CARD19: variants seen among roughly 807,000 people sequenced by gnomAD.
CARD19 encodes caspase recruitment domain-containing protein 19.
CARD19 carries 25 observed loss-of-function variants against 24.1 expected under a neutral mutation model. The observed-to-expected ratio is 1.04, with a 90% CI of 0.76 to 1.45. CARD19 has a LOEUF of 1.45. Ranked by LOEUF, CARD19 falls within the 40% of genes most tolerant of loss-of-function variation. CARD19 has a pLI of 0.00. For synonymous variants in CARD19, 103 were observed against 104.9 expected (o/e 0.98, Z 0.11); for missense variants, 241 against 247.4 (o/e 0.97, Z 0.17).
rs772584385 is a variant in CARD19 at position 93,107,789 on chromosome 9, G to C, written c.123G>C (p.Gln41His). 9 of 1,614,228 alleles carry C rather than the reference G, an allele frequency of 5.6e-6. No homozygotes were observed. In the South Asian group the frequency reaches 9.9e-5, roughly 18 times the overall value. Reference protein sequence around the residue: ...IILQLNRYYPQILTNKEAEKF... With the variant: ...IILQLNRYYPHILTNKEAEKF... The stretch of plus-strand genomic sequence containing the variant: ...TCCAGCTGAACCGTTACTACCCACA[G>C]ATCCTTACCAACAAGGAGGCGGAAA... The change falls in exon 2 of 6, where the codon CAG becomes CAC. Residue 41 changes from glutamine (Q) to histidine (H), a missense_variant. Coordinates refer to ENST00000375464, the MANE Select transcript of CARD19 (RefSeq NM_032310.5).
chr9:93,101,926 T>C (rs912573210), intron 1 of CARD19, among the ~76,000 whole-genome samples: 3 of 151,974 alleles, frequency 2.0e-5, no homozygotes, highest in African/African-American at 7.2e-5. Flanking sequence ...TTGTGGTTTT[T>C]ATTTGAATTT....
chr9:93,110,683 A>G lies in CARD19; in HGVS notation c.266A>G (p.Gln89Arg), dbSNP rs1587651290. 2 of 1,613,120 alleles carry G rather than the reference A, an allele frequency of 1.2e-6. No homozygotes were observed. The highest frequency in any genetic ancestry group is 4.5e-5 in the East Asian group (2 of 44,870). ...EFYRALYIHA[Q>R]PLHSRLPSRH... Reference sequence around the variant, plus strand: ...TACCGAGCCCTGTATATCCATGCCCAGCCCCTGCACAGCCGCCTGCCCAGC... The same window carrying G: ...TACCGAGCCCTGTATATCCATGCCCGGCCCCTGCACAGCCGCCTGCCCAGC... The change falls in exon 3 of 6, where the codon CAG becomes CGG. Residue 89 changes from glutamine (Q) to arginine (R), a missense_variant. By Grantham distance (43) the Gln-to-Arg change is conservative (BLOSUM62 1). Transcript: ENST00000375464.
Position 93,096,368 on chromosome 9 carries a change from G to A in CARD19, c.7+16G>A, listed in dbSNP as rs940029706. On this transcript the variant is annotated intron_variant, in intron 1 of 5. Coordinates refer to ENST00000375464, the MANE Select transcript of CARD19 (RefSeq NM_032310.5). The surrounding 1 kb of genome is among the most constrained non-coding windows in gnomAD (Gnocchi z 5.4). ...GCCATGACAGGTGGGCACGGGGTCG[G>A]CTGGGCGGCAGGGATGCGGGCGCCC... 9.0e-6 allele frequency: 11 copies of A among 1,225,632 alleles called. No homozygotes were observed. Among genetic ancestry groups the A allele is most frequent in the Admixed American group, 4.3e-5 (1 of 23,456 alleles). 75.9% of individuals were successfully genotyped at this position (1,225,632 alleles called of 1,614,324 possible). A position where few individuals can be genotyped will look rare whatever the true frequency, so the allele number is the denominator to read the frequency against.
intron 5 of CARD19, 76 bp from the exon 6 acceptor site, chr9:93,112,916 C>G: frequency 9.7e-7 from 1 of 1,032,516 alleles, no homozygotes; most frequent in Non-Finnish European, 1.4e-6. Context: ...CCACCCACCC[C>G]CGCAGGAGGG....
chr9:93,100,308 TTTTTGTTTTTGG>T (rs1827030536), intron 1 of CARD19, among the ~76,000 whole-genome samples: 1 of 152,162 alleles, frequency 6.6e-6, no homozygotes, highest in Non-Finnish European at 1.5e-5. Flanking sequence ...ACTGTTTTTG[TTTTTGTTTTTGG>T]TTTTTTCTTT....
At chr9:93,106,636 G>A (rs1451870586) in intron 1 of CARD19, among the ~76,000 whole-genome samples, 2 of 150,932 alleles carry the variant, frequency 1.3e-5, no homozygotes, top group Non-Finnish European at 2.9e-5. Context: ...GATAAGGAAT[G>A]TATTACTACT....
Position 93,111,947 on chromosome 9 carries a change from T to A in CARD19, c.364+9T>A. ...CGAGCTGAGTAACAGGGGTAACACC[T>A]CCCTGCTGCCCCTCCCTCTCTCTCC... On this transcript the variant is annotated intron_variant, in intron 4 of 5. Transcript: ENST00000375464. The A allele has an allele frequency of 1.2e-6, 2 of 1,609,246 alleles. No individual in the cohort carries two copies. The highest frequency in any genetic ancestry group is 1.7e-6 in the Non-Finnish European group (2 of 1,178,678).
rs554042554 is a variant in CARD19, at chr9:93,111,859, C to T, written c.305-20C>T. ...CGGCCCTGCCCGTTGACTAACTATG[C>T]TCTGTGGTTTTGTTTCCAGAGAACT... On this transcript the variant is annotated intron_variant, in intron 3 of 5. Coordinates refer to ENST00000375464, the MANE Select transcript of CARD19 (RefSeq NM_032310.5). The T allele has an allele frequency of 3.7e-6, 6 of 1,610,936 alleles. No individual in the cohort carries two copies. The South Asian group carries it at 6.6e-5, about 18-fold the overall frequency.
intron 4 of CARD19, 94 bp downstream of exon 4, chr9:93,112,032 C>A: frequency 6.7e-7 from 1 of 1,486,364 alleles, no homozygotes; most frequent in South Asian, 1.2e-5. Flanking sequence ...GGGGCTTCTC[C>A]ACCCCAAGTC....
chr9:93,110,422 G>T, intron 2 of CARD19, 146 bp from the exon 3 acceptor site: 1 of 1,321,706 alleles, frequency 7.6e-7, no homozygotes, highest in Non-Finnish European at 1.0e-6. Context: ...TGGGTAAGGG[G>T]CAGGTTGTCA....
chr9:93,099,183 C>T (rs1473642778), intron 1 of CARD19, among the ~76,000 whole-genome samples: 1 of 152,150 alleles, frequency 6.6e-6, no homozygotes, highest in African/African-American at 2.4e-5. Context: ...CTCGGCCTCC[C>T]AAAGTGCTGG....
intron 1 of CARD19, among the ~76,000 whole-genome samples, chr9:93,106,253 A>G (rs1259410421): frequency 6.6e-6 from 1 of 151,874 alleles, no homozygotes; most frequent in Non-Finnish European, 1.5e-5. Context: ...TCATATTTTA[A>G]AAATCCACTC....
intron 1 of CARD19, 30 bp from the exon 2 acceptor site, chr9:93,107,644 T>C (rs893332199): frequency 1.2e-6 from 2 of 1,613,552 alleles, no homozygotes; most frequent in African/African-American, 2.7e-5. Context: ...TGGGCTGTGC[T>C]GGCTCATGAC....
intron 3 of CARD19, 132 bp downstream of exon 3, chr9:93,110,853 G>T: frequency 6.5e-7 from 1 of 1,534,102 alleles, no homozygotes; most frequent in South Asian, 1.2e-5. Context: ...ATCCCCTCTC[G>T]CCTCAGCCCC....
rs893233215 is a variant in CARD19 at position 93,096,683 on chromosome 9, G to A, written c.7+331G>A. Reference sequence around the variant, plus strand: ...CGGTCTGGGCTCAGCCACTGCCAATGTGTGTGTGTCCCGTGGTGGGGAATT... The same window carrying A: ...CGGTCTGGGCTCAGCCACTGCCAATATGTGTGTGTCCCGTGGTGGGGAATT... On this transcript the variant is annotated intron_variant, in intron 1 of 5. Coordinates refer to ENST00000375464, the MANE Select transcript of CARD19 (RefSeq NM_032310.5). The surrounding 1 kb of genome is among the most constrained non-coding windows in gnomAD (Gnocchi z 5.4). 6.6e-6 allele frequency among the ~76,000 whole-genome samples: 1 copy of A among 152,224 alleles called. No individual in the cohort carries two copies. The highest frequency in any genetic ancestry group is 2.4e-5 in the African/African-American group (1 of 41,454).
intron 1 of CARD19, among the ~76,000 whole-genome samples, chr9:93,102,944 G>C (rs1467710788): frequency 6.6e-6 from 1 of 152,068 alleles, no homozygotes; most frequent in Non-Finnish European, 1.5e-5. Context: ...TTAGTATGTA[G>C]AGATGAAATA....
chr9:93,103,104 GCCTTTTATTC>G (rs1827141419), intron 1 of CARD19, among the ~76,000 whole-genome samples: 1 of 152,158 alleles, frequency 6.6e-6, no homozygotes, highest in Admixed American at 6.5e-5. Flanking sequence ...CAATTTGGAT[GCCTTTTATTC>G]CCTTTTCCTT....
chr9:93,111,490 C>T, intron 3 of CARD19: 3 of 1,094,754 alleles, frequency 2.7e-6, no homozygotes, highest in African/African-American at 1.6e-5. Context: ...CCCTGGAGGC[C>T]TCCCCACGCC....
chr9:93,107,601 G>C, intron 1 of CARD19, 73 bp from the exon 2 acceptor site: 1 of 1,563,114 alleles, frequency 6.4e-7, no homozygotes, highest in Non-Finnish European at 8.8e-7. Context: ...CCTGTGGTCA[G>C]TGTCAGTACG....
Sources: gnomAD v4.1 joint callset for allele counts (sites outside exome capture counted in the v4.1 genomes callset) on GRCh38, gnomAD v4.1.1 for gene constraint, Gnocchi (gnomAD v3.1) non-coding constraint, MANE v1.5 for transcripts, NCBI Gene and HGNC (gene_info 2026-07-23, HGNC 2026-07-21) for gene names.